Variants in OGG1 observed in about 807,000 individuals in gnomAD.
The protein encoded by OGG1 is N-glycosylase/DNA lyase.
In OGG1, 35 loss-of-function variants were observed where a neutral mutation model predicts 42.3. That is an observed-to-expected ratio of 0.83 (90% CI 0.63 to 1.10). The LOEUF (loss-of-function observed/expected upper bound fraction) is 1.10. Ranked by LOEUF, OGG1 falls within the 50% of genes least tolerant of loss-of-function variation. The pLI, the probability that OGG1 is intolerant of heterozygous loss-of-function variation, is 0.00. For missense variants in OGG1, 484 were observed against 446.7 expected (o/e 1.08, Z -0.75); for synonymous variants, 189 against 179.0 (o/e 1.06, Z -0.44).
chr3:9,766,480 CA>C (rs369221335), exon 8 of OGG1: 117 of 349,212 alleles, frequency 3.4e-4, no homozygotes, highest in African/African-American at 7.9e-4. Flanking sequence ...GATCCTGGGT[CA>C]AAAAAAAGAA....
At chr3:9,781,833 C>CTTTTTTTTT (rs35246642) in intron 3 of OGG1, among the ~76,000 whole-genome samples, 10 of 86,872 alleles carry the variant, frequency 1.2e-4, no homozygotes, top group African/African-American at 2.5e-4. Flanking sequence ...CCCATTACTT[C>CTTTTTTTTT]TTTTTTTTTT....
chr3:9,789,699 C>A, downstream of OGG1: 1 of 1,610,940 alleles, frequency 6.2e-7, no homozygotes, highest in Non-Finnish European at 8.5e-7. Context: ...CTTCTATGTT[C>A]TCTAGCCCAG....
At chr3:9,756,959 C>G (rs2077597120) in intron 6 of OGG1, 102 bp from the exon 7 acceptor site, 3 of 1,612,058 alleles carry the variant, frequency 1.9e-6, no homozygotes, top group Non-Finnish European at 2.5e-6. Context: ...TGCCTTCGGC[C>G]CTGTTCCCCA....
chr3:9,751,152 C>T lies in OGG1; in HGVS notation c.345C>T (p.Ser115=). Residue 115 remains serine, a synonymous_variant, in exon 2 of 7, where the codon TCC becomes TCT. Coordinates refer to ENST00000344629, the MANE Select transcript of OGG1 (RefSeq NM_002542.6). Reference sequence around the variant, plus strand: ...CTCAACTGTATCACCACTGGGGTTCCGTGGACTCCCACTTCCAAGAGGTGG... The same window carrying T: ...CTCAACTGTATCACCACTGGGGTTCTGTGGACTCCCACTTCCAAGAGGTGG... ...TLAQLYHHWG[S]VDSHFQEVAQ... is the part of the protein sequence containing the mutation. The T allele has an allele frequency of 5.0e-6, 8 of 1,614,116 alleles. No homozygotes were observed. Among genetic ancestry groups the T allele is most frequent in the Non-Finnish European group, 6.8e-6 (8 of 1,179,994 alleles).
At chr3:9,786,001 C>T (rs1384846344) in intron 3 of OGG1, among the ~76,000 whole-genome samples, 5 of 151,724 alleles carry the variant, frequency 3.3e-5, no homozygotes, top group South Asian at 2.1e-4. Flanking sequence ...TGCAGTGGCA[C>T]AATTTCGGCT....
chr3:9,754,928 A>G lies in OGG1; in HGVS notation c.747+43A>G, dbSNP rs148889946. On this transcript the variant is annotated intron_variant, in intron 4 of 6. Transcript: ENST00000344629. ...AGGAGCTGCCCTCTCTACTGACACTAAGAGGAGAGCAGGAAATGAGCCAAG... is the reference window on the plus strand; with the variant it reads ...AGGAGCTGCCCTCTCTACTGACACTGAGAGGAGAGCAGGAAATGAGCCAAG... 2.6e-6 allele frequency: 4 copies of G among 1,510,752 alleles called. No homozygotes were observed. The African/African-American group carries it at 5.5e-5, about 21-fold the overall frequency. 93.6% of individuals were successfully genotyped at this position (1,510,752 alleles called of 1,614,324 possible). A position where few individuals can be genotyped will look rare whatever the true frequency, so the allele number is the denominator to read the frequency against.
intron 3 of OGG1, chr3:9,787,065 G>A (rs911690051): frequency 3.1e-6 from 5 of 1,614,102 alleles, no homozygotes; most frequent in Non-Finnish European, 4.2e-6. Context: ...CCATCTTCCG[G>A]CTGTTCATGC....
At chr3:9,755,985 G>A (rs1327193665) in intron 4 of OGG1, among the ~76,000 whole-genome samples, 1 of 152,170 alleles carries the variant, frequency 6.6e-6, no homozygotes, top group Admixed American at 6.5e-5. Flanking sequence ...GGCCCACATA[G>A]GTGTTCAGCT....
chr3:9,780,669 A>G, intron 2 of OGG1: 1 of 1,028,686 alleles, frequency 9.7e-7, no homozygotes, highest in East Asian at 2.6e-5. Flanking sequence ...TGTGTCATAC[A>G]GTCGTGACCA....
At chr3:9,776,344 G>T (rs1373741561) in intron 2 of OGG1, among the ~76,000 whole-genome samples, 1 of 150,232 alleles carries the variant, frequency 6.7e-6, no homozygotes, top group African/African-American at 2.5e-5. Context: ...TCTGCCCCAG[G>T]TCCCTGCCAA....
chr3:9,778,652 G>A (rs1250119756), intron 2 of OGG1, among the ~76,000 whole-genome samples: 1 of 152,134 alleles, frequency 6.6e-6, no homozygotes, highest in African/African-American at 2.4e-5. Context: ...TATGGCTTAT[G>A]GTCCAACAAG....
downstream of OGG1, chr3:9,758,927 G>T: frequency 2.3e-6 from 1 of 437,794 alleles, no homozygotes; most frequent in Non-Finnish European, 4.3e-6. Context: ...ACCATGCCTG[G>T]CCCTGAGAGC....
chr3:9,754,474 G>A (rs2077445049), intron 3 of OGG1, among the ~76,000 whole-genome samples: 1 of 152,210 alleles, frequency 6.6e-6, no homozygotes, highest in African/African-American at 2.4e-5. Flanking sequence ...CTAGACTTGG[G>A]CTCCGGGGCC....
chr3:9,779,342 A>T (rs917771782), intron 2 of OGG1, among the ~76,000 whole-genome samples: 1 of 152,136 alleles, frequency 6.6e-6, no homozygotes, highest in Non-Finnish European at 1.5e-5. Context: ...GCTTCTGTAG[A>T]TGGGCCATGG....
intron 2 of OGG1, chr3:9,780,644 GGCATGCC>G: frequency 7.6e-7 from 1 of 1,323,108 alleles, no homozygotes. Flanking sequence ...AGCCCAGGCT[GGCATGCC>G]TGTGGATTGT....
chr3:9,761,150 T>C (rs1279952517), downstream of OGG1: 1 of 349,208 alleles, frequency 2.9e-6, no homozygotes, highest in Non-Finnish European at 5.3e-6. Flanking sequence ...TATTTATTTT[T>C]ATCACCTGAC....
downstream of OGG1, chr3:9,790,073 C>T (rs1196025183): frequency 5.2e-6 from 7 of 1,348,468 alleles, no homozygotes; most frequent in African/African-American, 7.4e-5. Context: ...CTGGGTCTTT[C>T]CCCATCCTCT....
At chr3:9,775,742 C>G (rs926104570) in intron 2 of OGG1, among the ~76,000 whole-genome samples, 1 of 151,876 alleles carries the variant, frequency 6.6e-6, no homozygotes, top group African/African-American at 2.4e-5. Context: ...CAGGTTCAAG[C>G]AATTCTCCTG....
At chr3:9,779,602 A>C (rs1339238218) in intron 2 of OGG1, among the ~76,000 whole-genome samples, 1 of 152,056 alleles carries the variant, frequency 6.6e-6, no homozygotes, top group Non-Finnish European at 1.5e-5. Context: ...ACATGTATAC[A>C]TATGTAACAA....
Sources: gnomAD v4.1 joint callset for allele counts (sites outside exome capture counted in the v4.1 genomes callset) on GRCh38, gnomAD v4.1.1 for gene constraint, MANE v1.5 for transcripts, NCBI Gene and HGNC (gene_info 2026-07-23, HGNC 2026-07-21) for gene names.